Variants in LOC128462377 observed in about 807,000 individuals in gnomAD.
the LOC128462377 span, among the ~76,000 whole-genome samples, chr16:89,332,746 G>A: frequency 1.3e-5 from 2 of 152,194 alleles, no homozygotes; most frequent in Non-Finnish European, 2.9e-5. Context: ...AAAGTGCCCC[G>A]CTGCCCTGAC....
chr16:89,334,144 T>TTAAAAAAA, the LOC128462377 span, among the ~76,000 whole-genome samples: 1 of 41,410 alleles, frequency 2.4e-5, no homozygotes, highest in African/African-American at 9.6e-5. Flanking sequence ...CCCTGTGTTT[T>TTAAAAAAA]AAAAAAAAAA....
the LOC128462377 span, among the ~76,000 whole-genome samples, chr16:89,346,366 C>G: frequency 4.6e-5 from 7 of 152,018 alleles, no homozygotes; most frequent in Admixed American, 4.6e-4. Flanking sequence ...CTAACCCAGA[C>G]TACAAGACAG....
chr16:89,357,200 G>C, the LOC128462377 span, among the ~76,000 whole-genome samples: 1 of 152,204 alleles, frequency 6.6e-6, no homozygotes, highest in Admixed American at 6.5e-5. Context: ...AAGATGAGTG[G>C]GGTTGGGGGC....
the LOC128462377 span, among the ~76,000 whole-genome samples, chr16:89,411,066 C>T: frequency 6.6e-6 from 1 of 152,046 alleles, no homozygotes; most frequent in African/African-American, 2.4e-5. Flanking sequence ...GAGGGAGGGG[C>T]GGCCAGTGCA....
At chr16:89,370,194 G>A in the LOC128462377 span, among the ~76,000 whole-genome samples, 2 of 152,242 alleles carry the variant, frequency 1.3e-5, no homozygotes, top group South Asian at 4.1e-4. Context: ...TGGAGCTGGG[G>A]TGGAGCTGCT....
chr16:89,324,621 C>T, the LOC128462377 span: 2 of 420,068 alleles, frequency 4.8e-6, no homozygotes, highest in East Asian at 1.4e-4. Flanking sequence ...TCTGCGGAAG[C>T]ACTGGACTGG....
At chr16:89,393,042 T>C in the LOC128462377 span, among the ~76,000 whole-genome samples, 1 of 152,066 alleles carries the variant, frequency 6.6e-6, no homozygotes, top group Non-Finnish European at 1.5e-5. Context: ...CCTATGCAAA[T>C]GCTAACCCTC....
At chr16:89,319,153 C>T in the LOC128462377 span, among the ~76,000 whole-genome samples, 78,268 of 152,150 alleles carry the variant, frequency 0.51, 20,631 homozygotes, top group Middle Eastern at 0.68. Flanking sequence ...GTCCACCGTC[C>T]TGATCCCAGA....
At chr16:89,350,004 A>G in the LOC128462377 span, among the ~76,000 whole-genome samples, 2 of 152,186 alleles carry the variant, frequency 1.3e-5, no homozygotes, top group African/African-American at 2.4e-5. Context: ...TTTAGAAATG[A>G]GCAAATGGCA....
chr16:89,395,968 G>A, the LOC128462377 span: 1 of 152,136 alleles, frequency 6.6e-6, no homozygotes, highest in African/African-American at 2.4e-5. Flanking sequence ...CAGACACAGC[G>A]GCCTCTGGAC....
At chr16:89,372,099 C>T in the LOC128462377 span, among the ~76,000 whole-genome samples, 3 of 152,196 alleles carry the variant, frequency 2.0e-5, no homozygotes, top group South Asian at 6.2e-4. Context: ...ACCACCACGG[C>T]GGGCACCCGG....
the LOC128462377 span, among the ~76,000 whole-genome samples, chr16:89,404,335 G>C: frequency 6.6e-6 from 1 of 152,150 alleles, no homozygotes; most frequent in East Asian, 1.9e-4. Flanking sequence ...AAATGGAAGT[G>C]CAGGAAGGAA....
chr16:89,388,491 G>T, the LOC128462377 span, among the ~76,000 whole-genome samples: 2 of 151,910 alleles, frequency 1.3e-5, no homozygotes, highest in African/African-American at 4.8e-5. Context: ...AGCAAGATTT[G>T]CGTTTCCCTG....
chr16:89,320,097 T>C, the LOC128462377 span: 1 of 152,282 alleles, frequency 6.6e-6, no homozygotes, highest in Non-Finnish European at 1.5e-5. Context: ...TGCTGACTCA[T>C]GGGTGTTGTC....
the LOC128462377 span, among the ~76,000 whole-genome samples, chr16:89,365,346 A>G: frequency 1.3e-5 from 2 of 152,162 alleles, no homozygotes; most frequent in Admixed American, 6.5e-5. Flanking sequence ...TCTCACCTTA[A>G]AGAGCATGAG....
the LOC128462377 span, among the ~76,000 whole-genome samples, chr16:89,331,632 T>C: frequency 0.011 from 1,745 of 152,282 alleles, 21 homozygotes; most frequent in Middle Eastern, 0.024. Context: ...TTTATAGATA[T>C]GTATTTAGGT....
At chr16:89,390,359 G>C in the LOC128462377 span, among the ~76,000 whole-genome samples, 3 of 152,092 alleles carry the variant, frequency 2.0e-5, no homozygotes, top group Admixed American at 6.5e-5. Context: ...CACCGAGTGT[G>C]GCGGGGAGCA....
chr16:89,401,139 G>C, the LOC128462377 span, among the ~76,000 whole-genome samples: 11 of 137,676 alleles, frequency 8.0e-5, no homozygotes, highest in African/African-American at 3.1e-4. Flanking sequence ...TGCTGCTCAG[G>C]CTGGAGTGCA....
the LOC128462377 span, among the ~76,000 whole-genome samples, chr16:89,369,879 T>G: frequency 3.0e-3 from 459 of 152,332 alleles, 2 homozygotes; most frequent in Admixed American, 3.8e-3. Flanking sequence ...TCCCTGTTCT[T>G]TCTTACATCT....
Sources: gnomAD v4.1 joint callset for allele counts (sites outside exome capture counted in the v4.1 genomes callset) on GRCh38, gnomAD v4.1.1 for gene constraint, MANE v1.5 for transcripts.